TTBK2: variants seen among roughly 807,000 people sequenced by gnomAD.
TTBK2 encodes the protein tau tubulin kinase 2, also known as tau-tubulin kinase 2.
A neutral mutation model predicts 110.8 loss-of-function variants in TTBK2; 28 were observed. The ratio of observed to expected loss-of-function variants is 0.25; its 90% CI spans 0.19 to 0.35. TTBK2 has a LOEUF of 0.35. Among genes scored for constraint, TTBK2 ranks in the 10% least tolerant of loss-of-function variants. TTBK2 has a pLI of 1.00. For missense variants in TTBK2, 1,369 were observed against 1,500.3 expected, an observed-to-expected ratio of 0.91 and a Z score of 1.45; for synonymous variants, 532 against 527.3, an observed-to-expected ratio of 1.01 and a Z score of -0.12.
At chr15:42,785,115 ATTTTTT>A (rs199963873) in intron 10 of TTBK2, among the ~76,000 whole-genome samples, 10 of 102,186 alleles carry the variant, frequency 9.8e-5, no homozygotes, top group Admixed American at 2.1e-4. Context: ...TCACTTGCAG[ATTTTTT>A]TTTTTTTTTT....
intron 10 of TTBK2, among the ~76,000 whole-genome samples, chr15:42,791,884 G>C (rs1402606563): frequency 6.6e-6 from 1 of 151,656 alleles, no homozygotes; most frequent in Non-Finnish European, 1.5e-5. Flanking sequence ...GCTCGTGCCT[G>C]TGATCTCAGT....
At chr15:42,851,381 T>A (rs1893705564) in intron 3 of TTBK2, among the ~76,000 whole-genome samples, 1 of 152,124 alleles carries the variant, frequency 6.6e-6, no homozygotes, top group Non-Finnish European at 1.5e-5. Flanking sequence ...TTGTATGCCA[T>A]GTTACAGTGT....
chr15:42,868,787 C>A (rs1414590104), intron 3 of TTBK2, among the ~76,000 whole-genome samples: 2 of 151,734 alleles, frequency 1.3e-5, no homozygotes, highest in African/African-American at 4.8e-5. Flanking sequence ...GGTTGAGCCA[C>A]AGGATCGAGG....
At chr15:42,843,351 G>C (rs145132207) in intron 3 of TTBK2, among the ~76,000 whole-genome samples, 2 of 152,188 alleles carry the variant, frequency 1.3e-5, no homozygotes, top group Non-Finnish European at 2.9e-5. Context: ...ACGGGATTAC[G>C]GTAGGGGCCT....
chr15:42,833,691 A>C (rs1892869177), intron 4 of TTBK2, among the ~76,000 whole-genome samples: 1 of 152,008 alleles, frequency 6.6e-6, no homozygotes, highest in African/African-American at 2.4e-5. Flanking sequence ...TGGGCAACAT[A>C]CTGAGACCTC....
At chr15:42,833,246 G>GA (rs1892836069) in intron 4 of TTBK2, among the ~76,000 whole-genome samples, 4 of 67,830 alleles carry the variant, frequency 5.9e-5, no homozygotes, top group African/African-American at 2.4e-4. Context: ...ACCAAATTTT[G>GA]TAAAAAAAAA....
intron 11 of TTBK2, among the ~76,000 whole-genome samples, chr15:42,783,127 C>A (rs545489881): frequency 6.6e-6 from 1 of 152,200 alleles, no homozygotes; most frequent in Non-Finnish European, 1.5e-5. Flanking sequence ...ATGTTTGTGT[C>A]CCCCCAAAAT....
chr15:42,776,607 G>A (rs927655315), intron 12 of TTBK2, among the ~76,000 whole-genome samples: 15 of 152,256 alleles, frequency 9.9e-5, no homozygotes, highest in Admixed American at 2.0e-4. Context: ...TGAACTCACC[G>A]TCCCTTGTGT....
chr15:42,801,847 A>G (rs1473405371), intron 9 of TTBK2: 1 of 924,964 alleles, frequency 1.1e-6, no homozygotes, highest in Admixed American at 1.7e-5. Flanking sequence ...TTCATTCTCC[A>G]TCTCTGTACA....
At chr15:42,816,085 A>AATAAATATATATATAT (rs1397691949) in intron 7 of TTBK2, among the ~76,000 whole-genome samples, 1 of 67,448 alleles carries the variant, frequency 1.5e-5, no homozygotes, top group African/African-American at 7.6e-5. Context: ...TAAATAAATA[A>AATAAATATATATATAT]ATATATATAT....
At chr15:42,880,818 T>TA (rs1895008519) in intron 1 of TTBK2, among the ~76,000 whole-genome samples, 2 of 151,822 alleles carry the variant, frequency 1.3e-5, no homozygotes, top group East Asian at 1.9e-4. Context: ...CAAAAATTTT[T>TA]AAAAAACACT....
At chr15:42,858,693 A>C (rs1234611600) in intron 3 of TTBK2, among the ~76,000 whole-genome samples, 1 of 152,210 alleles carries the variant, frequency 6.6e-6, no homozygotes, top group African/African-American at 2.4e-5. Context: ...AGATGGGCAG[A>C]CACAGAGAGT....
chr15:42,871,733 G>T, intron 3 of TTBK2: 1 of 256,626 alleles, frequency 3.9e-6, no homozygotes, highest in Non-Finnish European at 6.1e-6. Context: ...TTCCAGTATT[G>T]ACAATAGGTG....
At chr15:42,898,672 A>G (rs968767749) in intron 1 of TTBK2, among the ~76,000 whole-genome samples, 11 of 152,382 alleles carry the variant, frequency 7.2e-5, no homozygotes, top group African/African-American at 2.4e-4. Context: ...GAAAAATAAA[A>G]GGATCTAACT....
chr15:42,829,522 T>G (rs533216686), intron 5 of TTBK2, among the ~76,000 whole-genome samples: 1 of 152,292 alleles, frequency 6.6e-6, no homozygotes, highest in East Asian at 1.9e-4. Flanking sequence ...ATAATAATAG[T>G]CAAACATAAA....
intron 2 of TTBK2, among the ~76,000 whole-genome samples, chr15:42,873,335 G>A (rs1189343755): frequency 6.6e-6 from 1 of 152,146 alleles, no homozygotes; most frequent in Non-Finnish European, 1.5e-5. Flanking sequence ...TTAGGAGGCT[G>A]AGGCAGGAGA....
At chr15:42,840,674 T>C (rs976139655) in intron 3 of TTBK2, 18 of 572,906 alleles carry the variant, frequency 3.1e-5, no homozygotes, top group Admixed American at 8.4e-5. Context: ...AATATATGAA[T>C]GAGGAAACAA....
intron 6 of TTBK2, among the ~76,000 whole-genome samples, chr15:42,821,251 C>T (rs914656800): frequency 6.6e-6 from 1 of 152,054 alleles, no homozygotes; most frequent in African/African-American, 2.4e-5. Context: ...AACAGTACAG[C>T]TACCTAAAGG....
intron 3 of TTBK2, among the ~76,000 whole-genome samples, chr15:42,845,577 T>C (rs1176590597): frequency 8.1e-6 from 1 of 123,172 alleles, no homozygotes; most frequent in Non-Finnish European, 1.6e-5. Flanking sequence ...GGGGTTGCAG[T>C]GGGCCGAGAT....
Sources: gnomAD v4.1 joint callset for allele counts (sites outside exome capture counted in the v4.1 genomes callset) on GRCh38, gnomAD v4.1.1 for gene constraint, MANE v1.5 for transcripts, NCBI Gene and HGNC (gene_info 2026-07-23, HGNC 2026-07-21) for gene names.